The following MECOM variants were observed in gnomAD, a reference collection of about 807,000 sequenced individuals.
The protein encoded by MECOM is histone-lysine N-methyltransferase MECOM.
Under a neutral mutation model 116.3 loss-of-function variants are expected in MECOM, and 13 were observed. The ratio of observed to expected loss-of-function variants is 0.11; its 90% CI spans 0.07 to 0.18. MECOM has a LOEUF of 0.18. Ranked by LOEUF, MECOM falls within the 10% of genes least tolerant of loss-of-function variation. The pLI is 1.00. For missense variants in MECOM, 1,299 were observed against 1,509.0 expected (o/e 0.86, Z 2.31); for synonymous variants, 528 against 535.2 (o/e 0.99, Z 0.19).
Position 169,249,633 on chromosome 3 carries a change from T to G in MECOM, c.376-105801A>C, listed in dbSNP as rs148018059. On this transcript the variant is annotated intron_variant, in intron 2 of 16. Transcript: ENST00000651503. ...TTCGTGGTAATCAAATGTGATACAGTCTAGATTGCCTTGATATGGAATTAT... is the reference window on the plus strand; with the variant it reads ...TTCGTGGTAATCAAATGTGATACAGGCTAGATTGCCTTGATATGGAATTAT... Among the ~76,000 whole-genome samples, 659 of 152,336 alleles carry G rather than the reference T, an allele frequency of 4.3e-3. 1 individual carries two copies. The highest frequency in any genetic ancestry group is 6.9e-3 in the Non-Finnish European group (472 of 68,030).
At chr3:169,325,264 A>G (rs1721650099) in intron 2 of MECOM, among the ~76,000 whole-genome samples, 1 of 152,156 alleles carries the variant, frequency 6.6e-6, no homozygotes. Context: ...TGGAAACTGG[A>G]TGAGGTGGGC....
chr3:169,324,226 G>A (rs1184468983), intron 2 of MECOM, among the ~76,000 whole-genome samples: 1 of 152,196 alleles, frequency 6.6e-6, no homozygotes, highest in Non-Finnish European at 1.5e-5. Flanking sequence ...ATAACCCTGG[G>A]AGGTGGGTAT....
rs138129930 is a variant in MECOM at position 169,199,824 on chromosome 3, G to T, written c.376-55992C>A. On this transcript the variant is annotated intron_variant, in intron 2 of 16. Transcript: ENST00000651503. Reference sequence around the variant, plus strand: ...TCCTAGCGTTACTCTGTCATTTCATGAAACATACACTGTATATTTACATGT... The same window carrying T: ...TCCTAGCGTTACTCTGTCATTTCATTAAACATACACTGTATATTTACATGT... Among the ~76,000 whole-genome samples, 357 of 152,146 alleles carry T rather than the reference G, an allele frequency of 2.3e-3. 3 individuals carry two copies. Among genetic ancestry groups the T allele is most frequent in the African/African-American group, 8.4e-3 (350 of 41,532 alleles).
intron 1 of MECOM, among the ~76,000 whole-genome samples, chr3:169,510,085 A>T (rs1016320889): frequency 6.6e-6 from 1 of 152,222 alleles, no homozygotes; most frequent in African/African-American, 2.4e-5. Flanking sequence ...CGTGCCAGTT[A>T]AGGCAAAAGC....
intron 1 of MECOM, among the ~76,000 whole-genome samples, chr3:169,629,314 T>C (rs189195436): frequency 6.6e-6 from 1 of 152,112 alleles, no homozygotes. Context: ...GGTTTTGTAA[T>C]AGAACACAAG....
chr3:169,474,085 C>T (rs1749974615), intron 1 of MECOM, among the ~76,000 whole-genome samples: 1 of 152,138 alleles, frequency 6.6e-6, no homozygotes, highest in African/African-American at 2.4e-5. Context: ...TAGTCAGTCA[C>T]CACGTGCCAC....
At position 169,568,612 on chromosome 3, in the gene MECOM, A is replaced by G. The variant is rs570525394; in HGVS notation, c.37+94724T>C. 1.4e-4 allele frequency among the ~76,000 whole-genome samples: 21 copies of G among 152,320 alleles called. No homozygotes were observed. The South Asian group carries it at 3.1e-3, about 23-fold the overall frequency. On this transcript the variant is annotated intron_variant, in intron 1 of 16. Transcript: ENST00000651503. ...TAAACAAAGCCACCAGGAACTTCCA[A>G]CTAGGCACTGCCCACCGCAGCTCAG...
intron 1 of MECOM, among the ~76,000 whole-genome samples, chr3:169,382,870 AAAAT>A (rs1560205117): frequency 0.16 from 13,118 of 83,356 alleles, 1,441 homozygotes; most frequent in East Asian, 0.34. Context: ...AAAAATAAAA[AAAAT>A]AAAAAAAGAA....
At chr3:169,583,718 C>A (rs74412000) in intron 1 of MECOM, among the ~76,000 whole-genome samples, 1 of 151,210 alleles carries the variant, frequency 6.6e-6, no homozygotes. Flanking sequence ...AAACAGAACT[C>A]ACTACAGCCT....
At chr3:169,530,198 G>A (rs951241983) in intron 1 of MECOM, among the ~76,000 whole-genome samples, 1 of 152,212 alleles carries the variant, frequency 6.6e-6, no homozygotes, top group Non-Finnish European at 1.5e-5. Flanking sequence ...ACATAAGGCT[G>A]AGCAGAGGTT....
At chr3:169,170,202 A>G (rs374351669) in intron 2 of MECOM, among the ~76,000 whole-genome samples, 4 of 151,940 alleles carry the variant, frequency 2.6e-5, no homozygotes, top group African/African-American at 9.6e-5. Context: ...CACGAGGTCA[A>G]GAGATCGAGA....
chr3:169,562,941 A>G (rs1833342), intron 1 of MECOM, among the ~76,000 whole-genome samples: 115,438 of 151,640 alleles, frequency 0.76, 44,845 homozygotes, highest in African/African-American at 0.92. Flanking sequence ...GCAGGCACCT[A>G]TAATCCCAGC....
intron 2 of MECOM, among the ~76,000 whole-genome samples, chr3:169,213,703 T>G (rs1164683590): frequency 6.6e-6 from 1 of 152,188 alleles, no homozygotes; most frequent in African/African-American, 2.4e-5. Flanking sequence ...GTTTTGGTAC[T>G]CTTTAAAGAC....
intron 1 of MECOM, among the ~76,000 whole-genome samples, chr3:169,655,696 T>C (rs531016615): frequency 1.3e-5 from 2 of 152,214 alleles, no homozygotes; most frequent in Non-Finnish European, 2.9e-5. Context: ...TCTGAGGGCA[T>C]AATTTATTGA....
intron 10 of MECOM, among the ~76,000 whole-genome samples, chr3:169,102,924 T>C (rs944252466): frequency 2.0e-5 from 3 of 151,962 alleles, no homozygotes; most frequent in African/African-American, 4.8e-5. Flanking sequence ...TAACTTGGCA[T>C]GTGCCTTGTA....
chr3:169,348,190 TTCTG>T (rs140816218), intron 2 of MECOM, among the ~76,000 whole-genome samples: 2,520 of 152,178 alleles, frequency 0.017, 55 homozygotes, highest in East Asian at 0.1. Context: ...ATATTGCAGA[TTCTG>T]TCTGTGTGTG....
At chr3:169,437,875 T>C (rs56162221) in intron 1 of MECOM, among the ~76,000 whole-genome samples, 6,316 of 152,230 alleles carry the variant, frequency 0.041, 158 homozygotes, top group East Asian at 0.061. Context: ...ATGTCATATA[T>C]AGAGTGACAA....
chr3:169,530,049 T>C (rs1203010600), intron 1 of MECOM, among the ~76,000 whole-genome samples: 1 of 152,226 alleles, frequency 6.6e-6, no homozygotes, highest in Non-Finnish European at 1.5e-5. Flanking sequence ...TGGGGATTGC[T>C]AACTCTGCTG....
chr3:169,263,934 G>GA (rs1192647507), intron 2 of MECOM, among the ~76,000 whole-genome samples: 237 of 146,442 alleles, frequency 1.6e-3, no homozygotes, highest in African/African-American at 3.1e-3. Context: ...ATTCCACAAG[G>GA]AAAAAAAAAA....
Sources: allele counts gnomAD v4.1 joint callset (sites outside exome capture counted in the v4.1 genomes callset), GRCh38; gene constraint gnomAD v4.1.1; transcripts MANE v1.5; gene names NCBI Gene and HGNC (gene_info 2026-07-23, HGNC 2026-07-21).